The following PTPRS variants were observed in gnomAD, a reference collection of about 807,000 sequenced individuals.
PTPRS encodes protein tyrosine phosphatase receptor type S.
Under a neutral mutation model 215.3 loss-of-function variants are expected in PTPRS, and 63 were observed. That is an observed-to-expected ratio of 0.29 (90% CI 0.24 to 0.36). PTPRS has a LOEUF of 0.36. Among genes scored for constraint, PTPRS ranks in the 10% least tolerant of loss-of-function variants. The pLI, the probability that PTPRS is intolerant of heterozygous loss-of-function variation, is 1.00. For synonymous variants in PTPRS, 1,404 were observed against 1,191.4 expected (o/e 1.18, Z -3.68); for missense variants, 2,258 against 2,825.8 (o/e 0.80, Z 4.56).
intron 11 of PTPRS, among the ~76,000 whole-genome samples, chr19:5,241,387 G>T (rs1378008307): frequency 6.6e-6 from 1 of 151,942 alleles, no homozygotes; most frequent in Non-Finnish European, 1.5e-5. Flanking sequence ...GGGCTCAGGT[G>T]ATCCTCTCGC....
intron 8 of PTPRS, 64 bp from the exon 9 acceptor site, chr19:5,256,183 G>A: frequency 7.3e-7 from 1 of 1,367,284 alleles, no homozygotes; most frequent in East Asian, 2.5e-5. Flanking sequence ...AAAAAATAGG[G>A]GAGATACAGA....
At chr19:5,285,718 C>G (rs924087508) in intron 2 of PTPRS, among the ~76,000 whole-genome samples, 1 of 152,192 alleles carries the variant, frequency 6.6e-6, no homozygotes, top group Non-Finnish European at 1.5e-5. Flanking sequence ...AACTGGCACA[C>G]TGGGTTTTGT....
chr19:5,281,226 C>G (rs1056132881), intron 2 of PTPRS, among the ~76,000 whole-genome samples: 16 of 151,924 alleles, frequency 1.1e-4, no homozygotes, highest in African/African-American at 3.6e-4. Context: ...TTTGGGAGGC[C>G]AAAGCGGGAG....
intron 17 of PTPRS, 151 bp downstream of exon 17, chr19:5,225,576 C>T: frequency 1.4e-6 from 1 of 698,806 alleles, no homozygotes; most frequent in South Asian, 1.7e-5. Context: ...TGGACACCCA[C>T]CTGAGCAGCC....
In PTPRS at chr19:5,338,010, A is replaced by T. The variant is rs951516602; in HGVS notation, c.-95+2654T>A. 1.3e-5 allele frequency among the ~76,000 whole-genome samples: 2 copies of T among 151,868 alleles called. No homozygotes were observed. Among genetic ancestry groups the T allele is most frequent in the African/African-American group, 4.8e-5 (2 of 41,318 alleles). ...CAGAGGCTCTCAAGGTTTCCTGGAG[A>T]GGGGGAAATCGTCCCCGGAGCTGAC... On this transcript the variant is annotated intron_variant, in intron 1 of 37. Transcript: ENST00000262963. The surrounding 1 kb of genome is among the most constrained non-coding windows in gnomAD (Gnocchi z 4.2).
intron 37 of PTPRS, among the ~76,000 whole-genome samples, chr19:5,207,072 C>T (rs1264993330): frequency 6.6e-6 from 1 of 152,182 alleles, no homozygotes; most frequent in African/African-American, 2.4e-5. Flanking sequence ...TGCCTGGAGG[C>T]CCTATTCATC....
intron 1 of PTPRS, among the ~76,000 whole-genome samples, chr19:5,325,305 G>A (rs1364954622): frequency 3.9e-5 from 6 of 152,240 alleles, no homozygotes; most frequent in Admixed American, 2.0e-4. Flanking sequence ...ACAGCTGCAA[G>A]GTGCACTGAG....
chr19:5,218,842 A>G, intron 23 of PTPRS, 44 bp from the exon 24 acceptor site: 1 of 1,565,734 alleles, frequency 6.4e-7, no homozygotes, highest in Non-Finnish European at 8.7e-7. Flanking sequence ...GAAAAAAAGA[A>G]GAAAGGTGAG....
Position 5,222,102 on chromosome 19 carries a change from CTGCT to C in PTPRS, c.3201+17_3201+20del, listed in dbSNP as rs147876339. On this transcript the variant is annotated intron_variant, in intron 19 of 37. Coordinates refer to ENST00000262963, the MANE Select transcript of PTPRS (RefSeq NM_002850.4). ...CCCCTGACCCTGCCTGCCTGCCTGC[CTGCT>C]GGCTGGGCAGTCGCACCTTGTAGGG... 1.2e-3 allele frequency: 1,916 copies of C among 1,598,282 alleles called. 14 individuals are homozygous for C. The African/African-American group carries it at 0.016, about 13-fold the overall frequency.
chr19:5,248,962 G>T (rs576658400), intron 9 of PTPRS, among the ~76,000 whole-genome samples: 59 of 152,332 alleles, frequency 3.9e-4, no homozygotes, highest in Non-Finnish European at 5.6e-4. Flanking sequence ...GCCTCCCAGG[G>T]GCTGGGACGA....
At chr19:5,259,869 C>T (rs2146283167) in intron 7 of PTPRS, among the ~76,000 whole-genome samples, 1 of 152,316 alleles carries the variant, frequency 6.6e-6, no homozygotes, top group East Asian at 1.9e-4. Context: ...TAGAGCACTG[C>T]CTATTCTCCC....
chr19:5,314,279 TTC>T (rs1258489769), intron 1 of PTPRS, among the ~76,000 whole-genome samples: 6 of 152,194 alleles, frequency 3.9e-5, no homozygotes, highest in Non-Finnish European at 5.9e-5. Context: ...TGGATCAACC[TTC>T]TGAGTCATGC....
chr19:5,324,295 A>G (rs1017563713), intron 1 of PTPRS, among the ~76,000 whole-genome samples: 4 of 151,534 alleles, frequency 2.6e-5, no homozygotes, highest in African/African-American at 9.7e-5. Flanking sequence ...TACAGTACTC[A>G]GCGCACAGTC....
Position 5,222,197 on chromosome 19 carries a change from T to C in PTPRS, c.3127A>G (p.Lys1043Glu), listed in dbSNP as rs1211765615. Residue 1043 changes from lysine to glutamate, a missense_variant, in exon 19 of 38, where the codon AAA becomes GAA. Physicochemically the swap from Lys to Glu is moderately conservative, Grantham distance 56. Around this residue, in one of 6 missense-constraint regions of PTPRS, gnomAD observed 361 missense variants for 332.6 expected, o/e 1.09. Transcript: ENST00000262963. Reference sequence around the variant, plus strand: ...AGAACTGATGTCTTCATGATCATTTTCACCTTGAAGTTCTTGGGCGAGACT... The same window carrying C: ...AGAACTGATGTCTTCATGATCATTTCCACCTTGAAGTTCTTGGGCGAGACT... ...DQVSPKNFKV[K>E]MIMKTSVLLS... 5.6e-6 allele frequency: 9 copies of C among 1,613,978 alleles called. No individual in the cohort carries two copies. Among genetic ancestry groups the C allele is most frequent in the Non-Finnish European group, 7.6e-6 (9 of 1,179,972 alleles).
chr19:5,217,826 G>A (rs1425896547), intron 25 of PTPRS, among the ~76,000 whole-genome samples: 1 of 152,156 alleles, frequency 6.6e-6, no homozygotes, highest in Non-Finnish European at 1.5e-5. Context: ...GGAGGAGATG[G>A]TAGAGTTTGT....
intron 13 of PTPRS, among the ~76,000 whole-genome samples, chr19:5,232,164 G>A (rs933799077): frequency 2.6e-5 from 4 of 152,046 alleles, no homozygotes; most frequent in Non-Finnish European, 4.4e-5. Context: ...CTATGTGCCA[G>A]CACCAAGGGC....
chr19:5,305,775 T>A lies in PTPRS; in HGVS notation c.-94-19541A>T, dbSNP rs1238261709. ...TATATATATATATATATTTTTTTTT[T>A]AAAGGCAAATTCCAATTAGCCGGGC... On this transcript the variant is annotated intron_variant, in intron 1 of 37. Coordinates refer to ENST00000262963, the MANE Select transcript of PTPRS (RefSeq NM_002850.4). 5.8e-5 allele frequency among the ~76,000 whole-genome samples: 7 copies of A among 120,310 alleles called. No individual in the cohort carries two copies. In the East Asian group the frequency reaches 8.3e-4, roughly 14 times the overall value. The allele number at this position is 120,310 out of a possible 152,430, so 78.9% of individuals were successfully genotyped here.
intron 1 of PTPRS, among the ~76,000 whole-genome samples, chr19:5,334,029 T>C (rs1346711863): frequency 6.9e-6 from 1 of 143,942 alleles, no homozygotes; most frequent in African/African-American, 2.5e-5. Flanking sequence ...GGGAGCCACA[T>C]GTGGAGTCCC....
At chr19:5,319,983 C>T (rs1205848724) in intron 1 of PTPRS, among the ~76,000 whole-genome samples, 1 of 152,160 alleles carries the variant, frequency 6.6e-6, no homozygotes, top group Non-Finnish European at 1.5e-5. Flanking sequence ...AAAGCCATCC[C>T]CTTTATTGCT....
Sources: allele counts gnomAD v4.1 joint callset (sites outside exome capture counted in the v4.1 genomes callset), GRCh38; gene constraint gnomAD v4.1.1; regional missense constraint gnomAD v4.1.1; non-coding constraint Gnocchi (gnomAD v3.1); transcripts MANE v1.5; gene names NCBI Gene and HGNC (gene_info 2026-07-23, HGNC 2026-07-21).